BMPR1B: variants seen among roughly 807,000 people sequenced by gnomAD.
BMPR1B encodes the protein bone morphogenetic protein receptor type 1B, also known as bone morphogenetic protein receptor type-1B.
Under a neutral mutation model 59.1 loss-of-function variants are expected in BMPR1B, and 12 were observed. The observed-to-expected ratio is 0.20, with a 90% confidence interval of 0.13 to 0.33. The LOEUF (loss-of-function observed/expected upper bound fraction) is 0.33, where lower values mean the gene tolerates loss of function less well. BMPR1B is among the 10% of genes least tolerant of loss of function. The probability of loss-of-function intolerance (pLI) is 1.00; values close to 1 mark genes in which losing one functional copy is unlikely to be tolerated. For synonymous variants in BMPR1B, 237 were observed against 207.3 expected (o/e 1.14, Z -1.23); for missense variants, 550 against 610.9 (o/e 0.90, Z 1.05).
chr4:95,050,915 A>G (rs1726453730), intron 3 of BMPR1B, among the ~76,000 whole-genome samples: 1 of 152,358 alleles, frequency 6.6e-6, no homozygotes, highest in South Asian at 2.1e-4. Context: ...GAAACGTCAC[A>G]AAAATGGTCA....
chr4:95,055,969 C>A (rs1174208343), intron 3 of BMPR1B, among the ~76,000 whole-genome samples: 4 of 152,144 alleles, frequency 2.6e-5, no homozygotes, highest in African/African-American at 9.6e-5. Context: ...TTGTACAAAT[C>A]TTTTATTGAT....
chr4:95,122,489 A>T (rs951851274), intron 6 of BMPR1B, among the ~76,000 whole-genome samples: 2 of 152,180 alleles, frequency 1.3e-5, no homozygotes, highest in Non-Finnish European at 2.9e-5. Context: ...TATTATAATT[A>T]TGTGTCAATA....
At chr4:94,771,542 G>A (rs1189393902) in intron 1 of BMPR1B, among the ~76,000 whole-genome samples, 2 of 152,070 alleles carry the variant, frequency 1.3e-5, no homozygotes, top group African/African-American at 2.4e-5. Context: ...TAAAGACTTG[G>A]GTTATCAATC....
chr4:94,965,104 A>G (rs530905284), intron 2 of BMPR1B, among the ~76,000 whole-genome samples: 1 of 152,150 alleles, frequency 6.6e-6, no homozygotes, highest in Non-Finnish European at 1.5e-5. Context: ...ACTCAGATTC[A>G]TATATTTTAG....
At chr4:94,970,239 T>TTCTTCTCTTCTCTTC (rs10591546) in intron 2 of BMPR1B, among the ~76,000 whole-genome samples, 1,683 of 127,416 alleles carry the variant, frequency 0.013, 29 homozygotes, top group Middle Eastern at 0.022. Flanking sequence ...CTGTTTGTTT[T>TTCTTCTCTTCTCTTC]TCTTCTCTTC....
chr4:94,957,338 T>A (rs1053103869), intron 2 of BMPR1B, among the ~76,000 whole-genome samples: 4 of 81,992 alleles, frequency 4.9e-5, no homozygotes, highest in African/African-American at 1.4e-4. Context: ...TTCGTGTTTT[T>A]TTTTTTTTTT....
chr4:95,076,387 A>G (rs1378213847), intron 3 of BMPR1B, among the ~76,000 whole-genome samples: 1 of 152,124 alleles, frequency 6.6e-6, no homozygotes, highest in Non-Finnish European at 1.5e-5. Flanking sequence ...AGAAATTTAA[A>G]TGTCTTTCTT....
chr4:94,873,681 T>C (rs1040989217), intron 1 of BMPR1B, among the ~76,000 whole-genome samples: 1 of 152,242 alleles, frequency 6.6e-6, no homozygotes, highest in African/African-American at 2.4e-5. Flanking sequence ...GTGCTGGGAT[T>C]ACAGGCGTGA....
intron 1 of BMPR1B, among the ~76,000 whole-genome samples, chr4:94,835,047 C>T (rs555826199): frequency 2.0e-5 from 3 of 151,344 alleles, no homozygotes; most frequent in Non-Finnish European, 4.4e-5. Context: ...CTTCTGGGCT[C>T]TTTTAGGAAG....
intron 1 of BMPR1B, among the ~76,000 whole-genome samples, chr4:94,831,411 G>T (rs544194615): frequency 2.6e-5 from 4 of 152,026 alleles, no homozygotes; most frequent in Non-Finnish European, 4.4e-5. Flanking sequence ...AATTATTAAA[G>T]AAAAATATTT....
At chr4:95,123,261 A>G (rs1422377832) in intron 6 of BMPR1B, among the ~76,000 whole-genome samples, 1 of 152,182 alleles carries the variant, frequency 6.6e-6, no homozygotes, top group African/African-American at 2.4e-5. Context: ...TTTTGAACAC[A>G]TTTTTGTTTA....
intron 3 of BMPR1B, among the ~76,000 whole-genome samples, chr4:95,001,362 G>A (rs751013354): frequency 0.96 from 145,428 of 152,138 alleles, 69,539 homozygotes; most frequent in Middle Eastern, 0.99. Flanking sequence ...GAATTAAGAT[G>A]GTATTTCTTA....
intron 1 of BMPR1B, among the ~76,000 whole-genome samples, chr4:94,802,239 G>C (rs149070466): frequency 1.1e-3 from 173 of 152,300 alleles, no homozygotes; most frequent in African/African-American, 3.9e-3. Context: ...AAGCACTTGT[G>C]TTGAGAGGAG....
intron 2 of BMPR1B, among the ~76,000 whole-genome samples, chr4:94,890,537 A>G (rs1436954887): frequency 2.0e-5 from 3 of 152,274 alleles, no homozygotes; most frequent in East Asian, 3.9e-4. Flanking sequence ...ATAAAAGTCA[A>G]TCAGAGAAGT....
chr4:94,887,542 G>C (rs1727231386), intron 2 of BMPR1B, among the ~76,000 whole-genome samples: 1 of 151,492 alleles, frequency 6.6e-6, no homozygotes, highest in Non-Finnish European at 1.5e-5. Flanking sequence ...AGAAAAAGCA[G>C]GGAGAGATGA....
At chr4:95,071,165 C>T (rs912347124) in intron 3 of BMPR1B, among the ~76,000 whole-genome samples, 4 of 152,140 alleles carry the variant, frequency 2.6e-5, no homozygotes, top group Admixed American at 6.6e-5. Context: ...TTGCCAGTAG[C>T]TTTCATACCT....
chr4:94,968,908 A>G (rs1730665531), intron 2 of BMPR1B, among the ~76,000 whole-genome samples: 1 of 151,902 alleles, frequency 6.6e-6, no homozygotes, highest in Non-Finnish European at 1.5e-5. Flanking sequence ...ATCCAACTCT[A>G]CCCTGTTTCT....
intron 2 of BMPR1B, among the ~76,000 whole-genome samples, chr4:94,901,664 G>A (rs541421760): frequency 2.3e-4 from 35 of 151,938 alleles, no homozygotes; most frequent in African/African-American, 7.5e-4. Flanking sequence ...CTTTAAACCC[G>A]TCAAATTGGC....
chr4:95,064,840 G>A (rs1384233304), intron 3 of BMPR1B, among the ~76,000 whole-genome samples: 1 of 152,034 alleles, frequency 6.6e-6, no homozygotes, highest in Non-Finnish European at 1.5e-5. Flanking sequence ...CACTTCACAT[G>A]TACTAGGATG....
Sources: allele counts gnomAD v4.1 joint callset (sites outside exome capture counted in the v4.1 genomes callset), GRCh38; gene constraint gnomAD v4.1.1; transcripts MANE v1.5; gene names NCBI Gene and HGNC (gene_info 2026-07-23, HGNC 2026-07-21).